The following MED13L variants were observed in gnomAD, a reference collection of about 807,000 sequenced individuals.
The protein encoded by MED13L is mediator of RNA polymerase II transcription subunit 13-like.
In MED13L, 7 loss-of-function variants were observed where a neutral mutation model predicts 220.9. The ratio of observed to expected loss-of-function variants is 0.03; its 90% CI spans 0.02 to 0.06. The LOEUF (loss-of-function observed/expected upper bound fraction) is 0.06, where lower values mean the gene tolerates loss of function less well. MED13L is among the 10% of genes least tolerant of loss of function. The pLI is 1.00. For synonymous variants in MED13L, 1,011 were observed against 1,015.2 expected (o/e 1.00, Z 0.08); for missense variants, 1,965 against 2,760.5 (o/e 0.71, Z 6.46).
At chr12:116,071,258 CTTCT>C (rs1435021711) in intron 4 of MED13L, among the ~76,000 whole-genome samples, 1 of 152,152 alleles carries the variant, frequency 6.6e-6, no homozygotes, top group Non-Finnish European at 1.5e-5. Context: ...AGATAAATGA[CTTCT>C]TTATCTCAAT....
chr12:116,165,619 C>T (rs921386946), intron 2 of MED13L, among the ~76,000 whole-genome samples: 8 of 152,066 alleles, frequency 5.3e-5, no homozygotes, highest in African/African-American at 1.7e-4. Flanking sequence ...CGTGAGCCAC[C>T]GCACCTGGCC....
intron 28 of MED13L, among the ~76,000 whole-genome samples, chr12:115,967,476 T>C (rs78697213): frequency 0.016 from 2,457 of 152,304 alleles, 40 homozygotes; most frequent in Middle Eastern, 0.031. Context: ...TTAAAGACTT[T>C]AGTGCTTAAG....
At chr12:116,118,342 TAA>T (rs979454735) in intron 2 of MED13L, among the ~76,000 whole-genome samples, 3 of 152,086 alleles carry the variant, frequency 2.0e-5, no homozygotes, top group Non-Finnish European at 4.4e-5. Flanking sequence ...TTATAAATTA[TAA>T]GTTAACAAAC....
intron 7 of MED13L, among the ~76,000 whole-genome samples, chr12:116,017,082 A>G (rs1879770226): frequency 6.6e-6 from 1 of 152,214 alleles, no homozygotes. Context: ...ATTTTACTAC[A>G]AGGATATCGG....
At chr12:116,210,241 A>T (rs929423917) in intron 2 of MED13L, among the ~76,000 whole-genome samples, 1 of 152,202 alleles carries the variant, frequency 6.6e-6, no homozygotes, top group Non-Finnish European at 1.5e-5. Flanking sequence ...CTGAATCTTC[A>T]GTGAAATCAT....
At chr12:116,222,668 T>G (rs1277170399) in intron 2 of MED13L, among the ~76,000 whole-genome samples, 1 of 152,308 alleles carries the variant, frequency 6.6e-6, no homozygotes, top group South Asian at 2.1e-4. Context: ...CAACTCCAGG[T>G]ATGTGTGTGA....
At chr12:116,179,447 T>C (rs1195299314) in intron 2 of MED13L, among the ~76,000 whole-genome samples, 1 of 152,002 alleles carries the variant, frequency 6.6e-6, no homozygotes, top group African/African-American at 2.4e-5. Flanking sequence ...TCATCTCTAC[T>C]AAAAATCAAA....
rs1566020468 is a variant in MED13L, at chr12:116,031,704, A to AGAAAAGAAAAG, written c.480-9114_480-9104dup. Among the ~76,000 whole-genome samples the AGAAAAGAAAAG allele has an allele frequency of 2.3e-4, 11 of 48,364 alleles. 1 individual carries two copies. Among genetic ancestry groups the AGAAAAGAAAAG allele is most frequent in the Middle Eastern group, 8.6e-3 (1 of 116 alleles). 31.7% of individuals were successfully genotyped at this position (48,364 alleles called of 152,430 possible). ...AGAAAAGAAAAGAAAAGAAAAGAAA[A>AGAAAAGAAAAG]GAAAAGAAAAGAAAAGAAAAGAAAA... On this transcript the variant is annotated intron_variant, in intron 4 of 30. Coordinates refer to ENST00000281928, the MANE Select transcript of MED13L (RefSeq NM_015335.5).
chr12:116,013,028 C>T, intron 8 of MED13L, 127 bp from the exon 9 acceptor site: 2 of 721,176 alleles, frequency 2.8e-6, no homozygotes, highest in Admixed American at 2.1e-5. Flanking sequence ...TAGTTCAGAG[C>T]AACCAATGAA....
In MED13L at chr12:116,182,393, G is replaced by A. The variant is rs77232733; in HGVS notation, c.310+55075C>T. On this transcript the variant is annotated intron_variant, in intron 2 of 30. Coordinates refer to ENST00000281928, the MANE Select transcript of MED13L (RefSeq NM_015335.5). The stretch of plus-strand genomic sequence containing the variant: ...ATCTCTGACACTTCTCCTATCTTTG[G>A]TCTCAACTGATGACCTTCCTTCCTT... Among the ~76,000 whole-genome samples, 189 of 152,158 alleles carry A rather than the reference G, an allele frequency of 1.2e-3. 1 individual carries two copies. Among genetic ancestry groups the A allele is most frequent in the African/African-American group, 4.2e-3 (176 of 41,506 alleles).
intron 1 of MED13L, among the ~76,000 whole-genome samples, chr12:116,237,963 ATAATT>A (rs1237454206): frequency 2.0e-5 from 3 of 152,232 alleles, no homozygotes; most frequent in Non-Finnish European, 2.9e-5. Flanking sequence ...TTCCTGTTGA[ATAATT>A]TAATTTGTCT....
At chr12:116,192,998 C>T (rs1204735741) in intron 2 of MED13L, among the ~76,000 whole-genome samples, 2 of 152,164 alleles carry the variant, frequency 1.3e-5, no homozygotes, top group Non-Finnish European at 2.9e-5. Context: ...CATGGTGGCA[C>T]GTGCCTGTAG....
chr12:116,197,294 C>T (rs1242121124), intron 2 of MED13L, among the ~76,000 whole-genome samples: 6 of 152,174 alleles, frequency 3.9e-5, no homozygotes, highest in African/African-American at 9.7e-5. Context: ...ACACAGCACA[C>T]GCTTTCTTTA....
intron 1 of MED13L, among the ~76,000 whole-genome samples, chr12:116,270,765 G>T: frequency 6.6e-6 from 1 of 151,960 alleles, no homozygotes; most frequent in Middle Eastern, 3.4e-3. Context: ...ATTATCAGCC[G>T]GGCGCGGTGG....
rs1249850334 is a variant in MED13L, at chr12:115,986,363, C to T, written c.4241G>A (p.Gly1414Asp). The change falls in exon 19 of 31, where the codon GGC becomes GAC. Residue 1414 changes from glycine to aspartate, a missense_variant. By Grantham distance (94) the Gly-to-Asp change is moderately conservative. Transcript: ENST00000281928. ...CACAATATAGGCAACATCACGGTGGCCCCCATATGGGTCCAACAAGAGCCT... is the reference window on the plus strand; with the variant it reads ...CACAATATAGGCAACATCACGGTGGTCCCCATATGGGTCCAACAAGAGCCT... ...WERLLLDPYG[G>D]HRDVAYIVVC... 1.2e-6 allele frequency: 2 copies of T among 1,614,018 alleles called. No individual in the cohort carries two copies. The highest frequency in any genetic ancestry group is 1.7e-6 in the Non-Finnish European group (2 of 1,180,002).
intron 23 of MED13L, among the ~76,000 whole-genome samples, chr12:115,976,247 A>C (rs1876929287): frequency 6.6e-6 from 1 of 152,256 alleles, no homozygotes; most frequent in Admixed American, 6.5e-5. Flanking sequence ...AATAGCTCCA[A>C]ACAGAAAGTT....
intron 2 of MED13L, among the ~76,000 whole-genome samples, chr12:116,156,415 A>AC (rs1272427326): frequency 6.6e-6 from 1 of 151,806 alleles, no homozygotes; most frequent in Non-Finnish European, 1.5e-5. Flanking sequence ...AAAAAAAAAA[A>AC]AAAAAAAACT....
chr12:116,222,390 A>T (rs931300247), intron 2 of MED13L, among the ~76,000 whole-genome samples: 16 of 152,214 alleles, frequency 1.1e-4, no homozygotes, highest in Non-Finnish European at 1.5e-5. Context: ...GAAGGATAAC[A>T]GAAGAATGAT....
intron 2 of MED13L, among the ~76,000 whole-genome samples, chr12:116,227,235 A>G (rs1361988839): frequency 1.3e-5 from 2 of 152,226 alleles, no homozygotes; most frequent in Admixed American, 6.5e-5. Flanking sequence ...TGATTTTTCA[A>G]TATCTGGGCT....
Sources: allele counts gnomAD v4.1 joint callset (sites outside exome capture counted in the v4.1 genomes callset), GRCh38; gene constraint gnomAD v4.1.1; transcripts MANE v1.5; gene names NCBI Gene and HGNC (gene_info 2026-07-23, HGNC 2026-07-21).